The following GRID2 variants were observed in gnomAD, a reference collection of about 807,000 sequenced individuals.
The protein encoded by GRID2 is glutamate ionotropic receptor delta type subunit 2.
Under a neutral mutation model 114.8 loss-of-function variants are expected in GRID2, and 33 were observed. The observed-to-expected ratio is 0.29, with a 90% CI of 0.22 to 0.38. The LOEUF (loss-of-function observed/expected upper bound fraction) is 0.38, where lower values mean the gene tolerates loss of function less well. Ranked by LOEUF, GRID2 falls within the 10% of genes least tolerant of loss-of-function variation. The pLI is 1.00. For missense variants in GRID2, 1,184 were observed against 1,257.7 expected, an observed-to-expected ratio of 0.94 and a Z score of 0.89; for synonymous variants, 505 against 449.9, an observed-to-expected ratio of 1.12 and a Z score of -1.55.
intron 8 of GRID2, among the ~76,000 whole-genome samples, chr4:93,350,643 C>T (rs572835801): frequency 6.6e-6 from 1 of 151,860 alleles, no homozygotes; most frequent in Non-Finnish European, 1.5e-5. Flanking sequence ...ATACTAGTTG[C>T]AGTCACATAA....
chr4:92,477,084 TG>T (rs1271326927), intron 1 of GRID2, among the ~76,000 whole-genome samples: 7 of 136,852 alleles, frequency 5.1e-5, no homozygotes, highest in Admixed American at 4.3e-4. Flanking sequence ...TGTGTGTGTG[TG>T]TGTGTGTGTG....
intron 5 of GRID2, among the ~76,000 whole-genome samples, chr4:93,215,704 T>C (rs923900751): frequency 6.6e-6 from 1 of 152,054 alleles, no homozygotes; most frequent in Non-Finnish European, 1.5e-5. Flanking sequence ...TTTTTGAATC[T>C]AACATATGCT....
intron 1 of GRID2, among the ~76,000 whole-genome samples, chr4:93,785,273 G>A (rs1037498475): frequency 4.6e-5 from 7 of 152,154 alleles, no homozygotes; most frequent in African/African-American, 1.7e-4. Context: ...GACGGTGTTT[G>A]CAATCTACTG....
chr4:93,754,686 T>G (rs951086801), intron 14 of GRID2, among the ~76,000 whole-genome samples: 1 of 152,196 alleles, frequency 6.6e-6, no homozygotes, highest in Non-Finnish European at 1.5e-5. Context: ...ATGGGTAAAT[T>G]GCACTTCTAC....
chr4:93,221,473 G>A (rs1200525013), intron 6 of GRID2, among the ~76,000 whole-genome samples: 2 of 152,114 alleles, frequency 1.3e-5, no homozygotes, highest in African/African-American at 4.8e-5. Flanking sequence ...ACATACTGGA[G>A]TCTATGATTT....
chr4:92,575,662 G>A (rs1206464388), intron 1 of GRID2, among the ~76,000 whole-genome samples: 1 of 152,162 alleles, frequency 6.6e-6, no homozygotes, highest in Non-Finnish European at 1.5e-5. Flanking sequence ...CCTTCCTCTG[G>A]AAGCTCCATT....
chr4:93,076,273 AG>A (rs1332197263), intron 2 of GRID2, among the ~76,000 whole-genome samples: 1 of 152,140 alleles, frequency 6.6e-6, no homozygotes, highest in South Asian at 2.1e-4. Flanking sequence ...AATGGCAGGA[AG>A]ATACAATAGC....
intron 12 of GRID2, among the ~76,000 whole-genome samples, chr4:93,509,949 G>A (rs1729003814): frequency 6.6e-6 from 1 of 152,152 alleles, no homozygotes; most frequent in African/African-American, 2.4e-5. Flanking sequence ...TTGCTAATGA[G>A]CTCTCAGGGC....
chr4:92,946,612 A>T (rs1751652723), intron 2 of GRID2, among the ~76,000 whole-genome samples: 1 of 152,060 alleles, frequency 6.6e-6, no homozygotes, highest in Admixed American at 6.6e-5. Context: ...ACTCAGCAAT[A>T]TTGGCTTTAG....
rs1418301348 is a variant in GRID2 at position 92,921,690 on chromosome 4, C to T, written c.245-163305C>T. Among the ~76,000 whole-genome samples the T allele has an allele frequency of 2.6e-5, 4 of 152,260 alleles. No individual in the cohort carries two copies. In the East Asian group the frequency reaches 7.7e-4, roughly 29 times the overall value. ...ATTGGTGAACAGCAAATGTTGCTGCCTGATTGTTCCTCTGGAAGTTTTGTC... is the reference window on the plus strand; with the variant it reads ...ATTGGTGAACAGCAAATGTTGCTGCTTGATTGTTCCTCTGGAAGTTTTGTC... On this transcript the variant is annotated intron_variant, in intron 2 of 15. Transcript: ENST00000282020.
chr4:93,699,701 G>A (rs1203092250), intron 14 of GRID2, among the ~76,000 whole-genome samples: 1 of 152,066 alleles, frequency 6.6e-6, no homozygotes, highest in Non-Finnish European at 1.5e-5. Context: ...GTATGAAAGG[G>A]AGAGTCCTGA....
At chr4:93,354,128 C>T (rs1363366832) in intron 8 of GRID2, among the ~76,000 whole-genome samples, 2 of 151,936 alleles carry the variant, frequency 1.3e-5, no homozygotes, top group South Asian at 2.1e-4. Context: ...GATCTTTCTA[C>T]CATTATGGAG....
chr4:92,957,932 T>A (rs1479327221), intron 2 of GRID2, among the ~76,000 whole-genome samples: 1 of 152,092 alleles, frequency 6.6e-6, no homozygotes, highest in Non-Finnish European at 1.5e-5. Context: ...GTGTGTGTTC[T>A]TGGTTTCAGA....
chr4:93,560,222 T>TAAAAAAAAAAAAAAAAAAAAAAAAAAAA (rs70942974), intron 13 of GRID2, among the ~76,000 whole-genome samples: 8 of 42,954 alleles, frequency 1.9e-4, no homozygotes, highest in Non-Finnish European at 2.8e-4. Flanking sequence ...GAACTTAAAG[T>TAAAAAAAAAAAAAAAAAAAAAAAAAAAA]AAAAAAAAAA....
At chr4:93,220,996 A>G (rs955407589) in intron 6 of GRID2, among the ~76,000 whole-genome samples, 25 of 152,182 alleles carry the variant, frequency 1.6e-4, no homozygotes, top group African/African-American at 6.0e-4. Flanking sequence ...CAGATAAAGT[A>G]TAGGTTCAAA....
At chr4:93,284,954 A>G (rs978270847) in intron 8 of GRID2, among the ~76,000 whole-genome samples, 3 of 152,050 alleles carry the variant, frequency 2.0e-5, no homozygotes, top group African/African-American at 7.2e-5. Flanking sequence ...GAGTAAGTGA[A>G]TAAATGCTAA....
At chr4:92,720,914 G>C (rs745435059) in intron 2 of GRID2, among the ~76,000 whole-genome samples, 2 of 152,006 alleles carry the variant, frequency 1.3e-5, no homozygotes, top group African/African-American at 4.8e-5. Flanking sequence ...AATGTTAATT[G>C]ACACAAAAAT....
At chr4:92,723,101 T>C (rs115086477) in intron 2 of GRID2, among the ~76,000 whole-genome samples, 3,319 of 152,134 alleles carry the variant, frequency 0.022, 121 homozygotes, top group African/African-American at 0.076. Flanking sequence ...GATAAGGCCT[T>C]AGTGATTGAC....
chr4:93,524,066 T>C (rs1730600130), intron 13 of GRID2, among the ~76,000 whole-genome samples: 1 of 152,092 alleles, frequency 6.6e-6, no homozygotes, highest in African/African-American at 2.4e-5. Context: ...GGGTGAGGGC[T>C]AATTGGAGCT....
Sources: allele counts gnomAD v4.1 joint callset (sites outside exome capture counted in the v4.1 genomes callset), GRCh38; gene constraint gnomAD v4.1.1; transcripts MANE v1.5; gene names NCBI Gene and HGNC (gene_info 2026-07-23, HGNC 2026-07-21).